Variants in ZFR2 observed in about 807,000 individuals in gnomAD.
ZFR2 encodes zinc finger RNA binding protein 2, also known as zinc finger RNA-binding protein 2.
ZFR2 carries 104 observed loss-of-function variants against 105.7 expected under a neutral mutation model. The ratio of observed to expected loss-of-function variants is 0.98; its 90% CI spans 0.84 to 1.16. The LOEUF (loss-of-function observed/expected upper bound fraction) is 1.16. Among genes scored for constraint, ZFR2 ranks in the 50% most tolerant of loss-of-function variants. The pLI is 0.00. For missense variants in ZFR2, 1,425 were observed against 1,355.5 expected, an observed-to-expected ratio of 1.05 and a Z score of -0.80; for synonymous variants, 634 against 597.7, an observed-to-expected ratio of 1.06 and a Z score of -0.89.
At chr19:3,821,628 T>C in intron 9 of ZFR2, 149 bp from the exon 10 acceptor site, 1 of 562,064 alleles carries the variant, frequency 1.8e-6, no homozygotes, top group Non-Finnish European at 2.5e-6. Context: ...TTTTTTTTTT[T>C]TCGAGACAGA....
chr19:3,821,249 G>A, intron 10 of ZFR2, 91 bp downstream of exon 10: 5 of 1,392,272 alleles, frequency 3.6e-6, no homozygotes, highest in Non-Finnish European at 4.7e-6. Flanking sequence ...ACACGGAGGA[G>A]CTCCGTAATC....
At chr19:3,807,338 T>A in intron 17 of ZFR2, 69 bp from the exon 18 acceptor site, 2 of 1,219,182 alleles carry the variant, frequency 1.6e-6, no homozygotes, top group Non-Finnish European at 2.3e-6. Flanking sequence ...GACAGGGCCG[T>A]CCCTCGACAC....
chr19:3,819,348 A>G, intron 11 of ZFR2, 113 bp from the exon 12 acceptor site: 2 of 1,150,222 alleles, frequency 1.7e-6, no homozygotes, highest in Non-Finnish European at 2.4e-6. Flanking sequence ...ACGAGGCGGC[A>G]GCGTGGCCAG....
At chr19:3,827,340 TG>T in intron 6 of ZFR2, 130 bp downstream of exon 6, 1 of 1,143,958 alleles carries the variant, frequency 8.7e-7, no homozygotes, top group Non-Finnish European at 1.2e-6. Context: ...GGCTGGCCCT[TG>T]GGGCGCGCTC....
Position 3,834,984 on chromosome 19 carries a change from C to T in ZFR2, c.54-1G>A. ...CAGGGGAAGGGTCGGAGGCTGGGCG[C>T]TAGAACCACAAACACACACCAAAGC... On this transcript the variant is annotated splice_acceptor_variant, in intron 1 of 18. Transcript: ENST00000262961. LOFTEE classifies it high-confidence loss of function. The surrounding 1 kb of genome is among the most constrained non-coding windows in gnomAD (Gnocchi z 5.3). 1 of 1,607,450 alleles carries T rather than the reference C, an allele frequency of 6.2e-7. No homozygotes were observed. The highest frequency in any genetic ancestry group is 8.5e-7 in the Non-Finnish European group (1 of 1,177,962).
At chr19:3,850,783 C>T (rs72975104) in intron 1 of ZFR2, among the ~76,000 whole-genome samples, 10,576 of 151,256 alleles carry the variant, frequency 0.07, 493 homozygotes, top group South Asian at 0.15. Flanking sequence ...CCACACTTTG[C>T]GCCTGTGGAT....
chr19:3,824,872 G>A (rs1403138869), intron 7 of ZFR2, among the ~76,000 whole-genome samples: 2 of 152,200 alleles, frequency 1.3e-5, no homozygotes, highest in Non-Finnish European at 2.9e-5. Flanking sequence ...AGGAGGCAGA[G>A]GTTGCAGTGA....
chr19:3,847,913 G>A (rs966254518), intron 1 of ZFR2, among the ~76,000 whole-genome samples: 1 of 152,190 alleles, frequency 6.6e-6, no homozygotes, highest in Non-Finnish European at 1.5e-5. Flanking sequence ...CAGGAGAGGG[G>A]CGGAGTCCAA....
chr19:3,867,197 G>T (rs1482531519), intron 1 of ZFR2, among the ~76,000 whole-genome samples: 1 of 152,128 alleles, frequency 6.6e-6, no homozygotes, highest in Non-Finnish European at 1.5e-5. Context: ...GTGCCCAAGG[G>T]GTGGTTTGTA....
chr19:3,815,030 A>T (rs2037809838), intron 13 of ZFR2, among the ~76,000 whole-genome samples: 1 of 149,046 alleles, frequency 6.7e-6, no homozygotes, highest in Admixed American at 6.7e-5. Context: ...GAGTTTTCCC[A>T]GGGATGGTGA....
intron 1 of ZFR2, among the ~76,000 whole-genome samples, chr19:3,859,926 G>GTGCAGTCTCC (rs1169165641): frequency 2.6e-5 from 4 of 152,148 alleles, no homozygotes; most frequent in Non-Finnish European, 5.9e-5. Flanking sequence ...AAACCCTTAG[G>GTGCAGTCTCC]TGCAGTCTCC....
Position 3,839,494 on chromosome 19 carries a change from G to A in ZFR2, c.54-4511C>T, listed in dbSNP as rs188648172. Among the ~76,000 whole-genome samples the A allele has an allele frequency of 5.0e-3, 638 of 128,706 alleles. 9 individuals carry two copies. Among genetic ancestry groups the A allele is most frequent in the South Asian group, 0.039 (148 of 3,758 alleles). 84.4% of individuals were successfully genotyped at this position (128,706 alleles called of 152,430 possible). A position where few individuals can be genotyped will look rare whatever the true frequency, so the allele number is the denominator to read the frequency against. The stretch of plus-strand genomic sequence containing the variant: ...GCGGAGGCTGCAGTGAGCCGAGACC[G>A]CTCCATTCCACTCCAGCCTGGGTGA... On this transcript the variant is annotated intron_variant, in intron 1 of 18. Coordinates refer to ENST00000262961, the MANE Select transcript of ZFR2 (RefSeq NM_015174.2).
At chr19:3,855,693 G>C (rs1426315463) in intron 1 of ZFR2, 2 of 367,524 alleles carry the variant, frequency 5.4e-6, no homozygotes, top group African/African-American at 2.1e-5. Context: ...TGGTCATGGC[G>C]GGCCTGGTGG....
At chr19:3,868,795 G>A (rs1219682262) in intron 1 of ZFR2, among the ~76,000 whole-genome samples, 170 bp downstream of exon 1, 1 of 152,108 alleles carries the variant, frequency 6.6e-6, no homozygotes, top group Non-Finnish European at 1.5e-5. Context: ...CTAACCTGAG[G>A]CCGCCCCGCC....
chr19:3,820,673 ACAGGAGACTCCAGGGGTCAAGGGGACT>A, intron 10 of ZFR2, among the ~76,000 whole-genome samples: 1 of 151,890 alleles, frequency 6.6e-6, no homozygotes, highest in East Asian at 1.9e-4. Flanking sequence ...TCAGGGGGAC[ACAGGAGACTCCAGGGGTCAAGGGGACT>A]CAGGGGATAC....
chr19:3,840,638 C>T (rs1488736432), intron 1 of ZFR2, among the ~76,000 whole-genome samples: 1 of 152,136 alleles, frequency 6.6e-6, no homozygotes, highest in African/African-American at 2.4e-5. Flanking sequence ...TCAAGTGATC[C>T]TCCTGCCTCA....
intron 5 of ZFR2, among the ~76,000 whole-genome samples, chr19:3,828,301 C>G (rs1050832140): frequency 5.3e-5 from 8 of 152,146 alleles, no homozygotes; most frequent in Admixed American, 3.9e-4. Flanking sequence ...CACACCACCA[C>G]GCGTAGCTAA....
chr19:3,852,033 G>C (rs964058870), intron 1 of ZFR2: 7 of 232,598 alleles, frequency 3.0e-5, no homozygotes, highest in African/African-American at 1.2e-4. Context: ...TGCAGGCGGG[G>C]ATCAGCTGGG....
intron 1 of ZFR2, among the ~76,000 whole-genome samples, chr19:3,843,751 C>T (rs1037573558): frequency 2.7e-5 from 4 of 150,876 alleles, no homozygotes; most frequent in East Asian, 2.0e-4. Flanking sequence ...AGGAGAATGG[C>T]GTGAACCTGG....
Sources: gnomAD v4.1 joint callset for allele counts (sites outside exome capture counted in the v4.1 genomes callset) on GRCh38, gnomAD v4.1.1 for gene constraint, Gnocchi (gnomAD v3.1) non-coding constraint, MANE v1.5 for transcripts, NCBI Gene and HGNC (gene_info 2026-07-23, HGNC 2026-07-21) for gene names.